Variants in TMC2 observed in about 807,000 individuals in gnomAD.
TMC2 encodes the protein transmembrane channel-like protein 2.
Under a neutral mutation model 105.9 loss-of-function variants are expected in TMC2, and 102 were observed. The ratio of observed to expected loss-of-function variants is 0.96; its 90% CI spans 0.82 to 1.14. The LOEUF (loss-of-function observed/expected upper bound fraction) is 1.14. Among genes scored for constraint, TMC2 ranks in the 50% most tolerant of loss-of-function variants. The pLI is 0.00. For synonymous variants in TMC2, 402 were observed against 422.8 expected, an observed-to-expected ratio of 0.95 and a Z score of 0.60; for missense variants, 1,093 against 1,134.3, an observed-to-expected ratio of 0.96 and a Z score of 0.52.
chr20:2,632,515 T>G lies in TMC2; in HGVS notation c.2307-3411T>G, dbSNP rs368977870. Among the ~76,000 whole-genome samples, 25 of 152,294 alleles carry G rather than the reference T, an allele frequency of 1.6e-4. No individual in the cohort carries two copies. The East Asian group carries it at 3.3e-3, about 20-fold the overall frequency. On this transcript the variant is annotated intron_variant, in intron 17 of 19. Coordinates refer to ENST00000358864, the MANE Select transcript of TMC2 (RefSeq NM_080751.3). ...AGGTTTCCTCAGGAATGGTTTCTAT[T>G]GACTACTTTTCCCCCTGTGTATGGG...
At position 2,594,944 on chromosome 20, in the gene TMC2, C is replaced by A; in HGVS notation, c.1053C>A (p.Tyr351Ter). 6.2e-7 allele frequency: 1 copy of A among 1,613,926 alleles called. No homozygotes were observed. Among genetic ancestry groups the A allele is most frequent in the Non-Finnish European group, 8.5e-7 (1 of 1,179,942 alleles). Reference protein sequence around the residue: ...YFMVGVSVFGYSLIIVIRSMA... With the variant: ...YFMVGVSVFG The stretch of plus-strand genomic sequence containing the variant: ...TGGTGGGGGTCAGCGTGTTCGGCTA[C>A]AGCCTGATTATTGTCATTCGATCGT... Residue 351 changes from tyrosine to a stop codon, truncating the protein, a stop_gained, in exon 9 of 20, where the codon TAC becomes TAA. Coordinates refer to ENST00000358864, the MANE Select transcript of TMC2 (RefSeq NM_080751.3). LOFTEE classifies it high-confidence loss of function.
At position 2,602,214 on chromosome 20, in the gene TMC2, T is replaced by C. The variant is rs748355553; in HGVS notation, c.1326T>C (p.Cys442=). The stretch of plus-strand genomic sequence containing the variant: ...ACTTTCTCATCATCTGCTGTTTGTG[T>C]GGAAGTGGGTACCTCATTTACTTTG... ...LANFLIICCL[C]GSGYLIYFVV... is the part of the protein sequence containing the mutation. The change falls in exon 11 of 20, where the codon TGT becomes TGC. Residue 442 remains cysteine, a synonymous_variant. Transcript: ENST00000358864. 4 of 1,613,726 alleles carry C rather than the reference T, an allele frequency of 2.5e-6. No individual in the cohort carries two copies. The highest frequency in any genetic ancestry group is 8.5e-7 in the Non-Finnish European group (1 of 1,179,850).
chr20:2,562,912 C>T (rs1198341296), intron 4 of TMC2, among the ~76,000 whole-genome samples: 4 of 151,962 alleles, frequency 2.6e-5, no homozygotes, highest in Admixed American at 6.6e-5. Context: ...TGCCACTGAA[C>T]TCCAGCCTGG....
At chr20:2,562,223 G>A (rs549244128) in intron 4 of TMC2, among the ~76,000 whole-genome samples, 4 of 152,386 alleles carry the variant, frequency 2.6e-5, no homozygotes, top group African/African-American at 9.6e-5. Flanking sequence ...AGACTCGGAG[G>A]ACTCCCGACC....
chr20:2,549,205 A>G lies in TMC2; in HGVS notation c.83-9251A>G, dbSNP rs2085942285. 2.0e-5 allele frequency among the ~76,000 whole-genome samples: 3 copies of G among 152,148 alleles called. No homozygotes were observed. In the South Asian group the frequency reaches 6.2e-4, roughly 31 times the overall value. ...CAAGTAGCTAGTACTATCGGCACTT[A>G]CCACTATCCTGGCTAAATTTTTAGT... On this transcript the variant is annotated intron_variant, in intron 2 of 19. Transcript: ENST00000358864.
chr20:2,567,060 C>A (rs2086069170), intron 4 of TMC2, among the ~76,000 whole-genome samples: 1 of 152,220 alleles, frequency 6.6e-6, no homozygotes, highest in African/African-American at 2.4e-5. Flanking sequence ...GCCCCAATAC[C>A]CCTAACCAGG....
At chr20:2,625,115 G>A (rs536083822) in intron 17 of TMC2, among the ~76,000 whole-genome samples, 1 of 152,298 alleles carries the variant, frequency 6.6e-6, no homozygotes, top group South Asian at 2.1e-4. Context: ...AAGAAAGGCA[G>A]GAAGCCAGAG....
Position 2,610,511 on chromosome 20 carries a change from G to A in TMC2, c.1506G>A (p.Leu502=). 1.2e-6 allele frequency: 2 copies of A among 1,613,878 alleles called. No individual in the cohort carries two copies. The highest frequency in any genetic ancestry group is 1.7e-6 in the Non-Finnish European group (2 of 1,179,906). The change falls in exon 12 of 20, where the codon CTG becomes CTA. Residue 502 remains leucine, a synonymous_variant. Transcript: ENST00000358864. ...ALENYHPRTG[L]KWQLGRIFAL... ...AGAATTACCACCCACGCACTGGACT[G>A]AAGTGGCAGCTGGGACGCATCTTTG... is the stretch of plus-strand genomic sequence containing the variant.
In TMC2 at chr20:2,616,747, T is replaced by G. The variant is rs777055647; in HGVS notation, c.1941-325T>G. On this transcript the variant is annotated intron_variant, in intron 15 of 19. Coordinates refer to ENST00000358864, the MANE Select transcript of TMC2 (RefSeq NM_080751.3). The surrounding 1 kb of genome is among the most constrained non-coding windows in gnomAD (Gnocchi z 4.8). ...AATTGAAGGACTTCAAATACTCTTC[T>G]GAGCAGCAATGCTGTTTTATGGAAA... Among the ~76,000 whole-genome samples the G allele has an allele frequency of 6.6e-6, 1 of 152,222 alleles. No individual in the cohort carries two copies. Among genetic ancestry groups the G allele is most frequent in the Admixed American group, 6.5e-5 (1 of 15,288 alleles).
At chr20:2,551,460 T>C (rs1398835565) in intron 2 of TMC2, among the ~76,000 whole-genome samples, 2 of 152,014 alleles carry the variant, frequency 1.3e-5, no homozygotes, top group African/African-American at 2.4e-5. Flanking sequence ...TTAGTTTTAA[T>C]GAATTAAAAC....
At chr20:2,640,486 C>T (rs781735761) in intron 19 of TMC2, among the ~76,000 whole-genome samples, 8 of 152,134 alleles carry the variant, frequency 5.3e-5, no homozygotes, top group Non-Finnish European at 1.2e-4. Context: ...GTGCTTTCAC[C>T]TGACAGCCTC....
Position 2,602,251 on chromosome 20 carries a change from T to G in TMC2, c.1363T>G (p.Ser455Ala), listed in dbSNP as rs1362029490. ...CCTCATTTACTTTGTGGTTAAGCGA[T>G]CTCAGCAATTCTCCAAAATGCAGAA... ...GYLIYFVVKRSQQFSKMQNVS... is the reference protein window; with the variant it reads ...GYLIYFVVKRAQQFSKMQNVS... Residue 455 changes from serine (S) to alanine (A), a missense_variant, in exon 11 of 20, where the codon TCT (serine) becomes GCT (alanine). By Grantham distance (99) the Ser-to-Ala change is moderately conservative. Transcript: ENST00000358864. The G allele has an allele frequency of 1.9e-6, 3 of 1,610,470 alleles. No homozygotes were observed. The South Asian group carries it at 3.3e-5, about 18-fold the overall frequency.
chr20:2,574,858 T>C (rs1295524355), intron 5 of TMC2, among the ~76,000 whole-genome samples: 1 of 152,146 alleles, frequency 6.6e-6, no homozygotes, highest in Non-Finnish European at 1.5e-5. Flanking sequence ...CCCAAGTAGC[T>C]GGGATTATGG....
At chr20:2,595,026 G>C in intron 9 of TMC2, 59 bp downstream of exon 9, 1 of 1,559,814 alleles carries the variant, frequency 6.4e-7, no homozygotes, top group East Asian at 2.2e-5. Context: ...CACTCCCCTG[G>C]CCACTCTATG....
Position 2,643,112 on chromosome 20 carries a change from A to C in TMC2, c.*1761A>C, listed in dbSNP as rs548664476. On this transcript the variant is annotated 3_prime_UTR_variant, in exon 20 of 20. Transcript: ENST00000358864. Reference sequence around the variant, plus strand: ...GTGACCAGGAGAAACAGGATAAATTATTTCACACCAATCTCTCCTGGCAAG... The same window carrying C: ...GTGACCAGGAGAAACAGGATAAATTCTTTCACACCAATCTCTCCTGGCAAG... Among the ~76,000 whole-genome samples, 2 of 152,314 alleles carry C rather than the reference A, an allele frequency of 1.3e-5. No individual in the cohort carries two copies. Among genetic ancestry groups the C allele is most frequent in the African/African-American group, 4.8e-5 (2 of 41,560 alleles).
At chr20:2,601,310 G>A (rs2086350056) in intron 10 of TMC2, among the ~76,000 whole-genome samples, 1 of 152,216 alleles carries the variant, frequency 6.6e-6, no homozygotes, top group South Asian at 2.1e-4. Context: ...CAATGGCATA[G>A]CTGAGTGGTT....
rs1318771916 is a variant in TMC2 at position 2,642,654 on chromosome 20, G to C, written c.*1303G>C. On this transcript the variant is annotated 3_prime_UTR_variant, in exon 20 of 20. Transcript: ENST00000358864. ...AGCCAGGGGCCAGACCATTAAGAAG[G>C]CCTTGATGGCAAGGGCAGAGCCTAG... Among the ~76,000 whole-genome samples, 4 of 152,144 alleles carry C rather than the reference G, an allele frequency of 2.6e-5. No individual in the cohort carries two copies. Among genetic ancestry groups the C allele is most frequent in the Non-Finnish European group, 5.9e-5 (4 of 68,018 alleles).
At chr20:2,610,983 C>A (rs573756799) in intron 12 of TMC2, among the ~76,000 whole-genome samples, 3 of 152,196 alleles carry the variant, frequency 2.0e-5, no homozygotes, top group Non-Finnish European at 4.4e-5. Flanking sequence ...TTATGGAGCA[C>A]CCACAATGGC....
Position 2,576,598 on chromosome 20 carries a change from C to T in TMC2, c.646-2548C>T, listed in dbSNP as rs187506332. Among the ~76,000 whole-genome samples, 38 of 152,258 alleles carry T rather than the reference C, an allele frequency of 2.5e-4. No homozygotes were observed. In the East Asian group the frequency reaches 6.9e-3, roughly 28 times the overall value. On this transcript the variant is annotated intron_variant, in intron 5 of 19. Transcript: ENST00000358864. ...GGGATCCATCTCTCGAGGGAGGACT[C>T]GCATTAATAAAGCTTATGAGACTGC...
Sources: gnomAD v4.1 joint callset for allele counts (sites outside exome capture counted in the v4.1 genomes callset) on GRCh38, gnomAD v4.1.1 for gene constraint, Gnocchi (gnomAD v3.1) non-coding constraint, MANE v1.5 for transcripts, NCBI Gene and HGNC (gene_info 2026-07-23, HGNC 2026-07-21) for gene names.